The following MFSD11 variants were observed in gnomAD, a reference collection of about 807,000 sequenced individuals.
MFSD11 encodes major facilitator superfamily domain containing 11.
In MFSD11, 36 loss-of-function variants were observed where a neutral mutation model predicts 53.5. The ratio of observed to expected loss-of-function variants is 0.67; its 90% confidence interval spans 0.52 to 0.89. The LOEUF (loss-of-function observed/expected upper bound fraction) is 0.89. Ranked by LOEUF, MFSD11 falls within the 40% of genes least tolerant of loss-of-function variation. The pLI is 0.00. For missense variants in MFSD11, 530 were observed against 543.9 expected, an observed-to-expected ratio of 0.97 and a Z score of 0.25; for synonymous variants, 186 against 184.9, an observed-to-expected ratio of 1.01 and a Z score of -0.05.
chr17:76,796,229 C>A, the MFSD11 span, among the ~76,000 whole-genome samples: 1 of 152,156 alleles, frequency 6.6e-6, no homozygotes, highest in Non-Finnish European at 1.5e-5. Context: ...TATTCATCTT[C>A]AGGACCTGGC....
the MFSD11 span, among the ~76,000 whole-genome samples, chr17:76,794,698 TTTTTTTTG>T: frequency 8.5e-5 from 7 of 81,962 alleles, 1 homozygote; most frequent in African/African-American, 2.4e-4. Flanking sequence ...TTTTTTTTTT[TTTTTTTTG>T]TTTTGAGATG....
chr17:76,787,400 G>A, the MFSD11 span, among the ~76,000 whole-genome samples: 128 of 150,170 alleles, frequency 8.5e-4, 9 homozygotes, highest in East Asian at 3.9e-4. Context: ...GCCTCCCAAA[G>A]TGCTGGGATT....
At chr17:76,763,460 C>T (rs376772178) in intron 8 of MFSD11, among the ~76,000 whole-genome samples, 2 of 152,026 alleles carry the variant, frequency 1.3e-5, no homozygotes, top group East Asian at 1.9e-4. Flanking sequence ...GATGGGATTT[C>T]ACCATGTTGG....
At chr17:76,747,423 T>C (rs923354563) in intron 7 of MFSD11, among the ~76,000 whole-genome samples, 33 of 152,112 alleles carry the variant, frequency 2.2e-4, no homozygotes, top group African/African-American at 7.2e-4. Context: ...CAACCTCTGC[T>C]TCCCAGGTTC....
At position 76,738,358 on chromosome 17, in the gene MFSD11, C is replaced by A. The variant is rs1386694864; in HGVS notation, c.6C>A (p.Ser2=). 1.2e-6 allele frequency: 2 copies of A among 1,613,682 alleles called. No homozygotes were observed. Among genetic ancestry groups the A allele is most frequent in the Admixed American group, 1.7e-5 (1 of 59,996 alleles). Reference sequence around the variant, plus strand: ...TCCGGCAGAGCTGAGCCAAAATGTCCCCGGAATCTAAAAAGCTTTTCAACA... The same window carrying A: ...TCCGGCAGAGCTGAGCCAAAATGTCACCGGAATCTAAAAAGCTTTTCAACA... M[S]PESKKLFNII... is the part of the protein sequence containing the mutation. The change falls in exon 1 of 13, where the codon TCC becomes TCA. Residue 2 remains serine, a synonymous_variant. Coordinates refer to ENST00000685175, the MANE Select transcript of MFSD11 (RefSeq NM_001242532.5).
intron 8 of MFSD11, chr17:76,754,325 G>A (rs1022906931): frequency 2.1e-6 from 1 of 466,256 alleles, no homozygotes; most frequent in South Asian, 2.8e-5. Flanking sequence ...GTGGAAAGAG[G>A]CTGCATAGCA....
intron 7 of MFSD11, among the ~76,000 whole-genome samples, chr17:76,750,719 C>T (rs984430917): frequency 3.3e-5 from 5 of 151,330 alleles, no homozygotes; most frequent in African/African-American, 1.2e-4. Context: ...CTTAAGTTAA[C>T]AAGATCTTCT....
intron 12 of MFSD11, among the ~76,000 whole-genome samples, chr17:76,777,844 CATTTT>C (rs2081983718): frequency 6.6e-6 from 1 of 152,014 alleles, no homozygotes; most frequent in African/African-American, 2.4e-5. Flanking sequence ...ATTTTTGTTT[CATTTT>C]ATTTTATTTT....
the MFSD11 span, among the ~76,000 whole-genome samples, chr17:76,795,640 CAG>C: frequency 6.6e-6 from 1 of 152,090 alleles, no homozygotes; most frequent in Non-Finnish European, 1.5e-5. Flanking sequence ...TGTTGACAAT[CAG>C]TGGAAGATGA....
Position 76,741,052 on chromosome 17 carries a change from G to A in MFSD11, c.248G>A (p.Gly83Asp), listed in dbSNP as rs374847669. ...VGPQLSMFAS[G>D]LFYSMYIAVF... is the part of the protein sequence containing the mutation. ...CCTCAACTCTCTATGTTTGCCAGTG[G>A]TTTATTTTACAGGTAAGTAGTGTAA... The change falls in exon 3 of 13, where the codon GGT becomes GAT. Residue 83 changes from glycine (G) to aspartate (D), a missense_variant. Gly to Asp is a moderately conservative substitution (Grantham distance 94). Coordinates refer to ENST00000685175, the MANE Select transcript of MFSD11 (RefSeq NM_001242532.5). 2.5e-6 allele frequency: 4 copies of A among 1,601,464 alleles called. No homozygotes were observed. In the African/African-American group the frequency reaches 4.0e-5, roughly 16 times the overall value.
chr17:76,756,891 T>TGATC (rs1158977296), intron 8 of MFSD11, among the ~76,000 whole-genome samples: 25 of 152,120 alleles, frequency 1.6e-4, no homozygotes, highest in African/African-American at 5.8e-4. Flanking sequence ...TACCCATTAT[T>TGATC]GATCACAGAG....
downstream of MFSD11, among the ~76,000 whole-genome samples, chr17:76,783,382 A>G (rs1221953862): frequency 6.6e-6 from 1 of 152,086 alleles, no homozygotes; most frequent in Non-Finnish European, 1.5e-5. Flanking sequence ...TTATTGAACC[A>G]CAGGTGTTTT....
At chr17:76,786,251 T>A (rs2082272960), downstream of MFSD11, among the ~76,000 whole-genome samples, 1 of 150,744 alleles carries the variant, frequency 6.6e-6, no homozygotes, top group South Asian at 2.1e-4. Flanking sequence ...TTCAAACGAT[T>A]CTCCTGCCTC....
intron 7 of MFSD11, among the ~76,000 whole-genome samples, chr17:76,745,886 G>A (rs2078498444): frequency 6.6e-6 from 1 of 152,056 alleles, no homozygotes; most frequent in African/African-American, 2.4e-5. Context: ...GGAGTGCAGT[G>A]GCATGATCTC....
intron 8 of MFSD11, among the ~76,000 whole-genome samples, chr17:76,760,120 T>G (rs1486613380): frequency 6.0e-5 from 9 of 150,192 alleles, no homozygotes. Context: ...ATACAAAAAT[T>G]AGCCAGGCGT....
the MFSD11 span, among the ~76,000 whole-genome samples, chr17:76,796,401 C>G: frequency 6.6e-6 from 1 of 152,164 alleles, no homozygotes; most frequent in African/African-American, 2.4e-5. Context: ...GGGGGAAGGA[C>G]TGTCATTTAC....
rs1266151977 is a variant in MFSD11 at position 76,741,975 on chromosome 17, C to T, written c.267C>T (p.Tyr89=). ...MFASGLFYSM[Y]IAVFIQPFPW... is the part of the protein sequence containing the mutation. The stretch of plus-strand genomic sequence containing the variant: ...TTGACCTGTTATATTTTAGCATGTA[C>T]ATTGCCGTTTTCATCCAGCCTTTCC... Residue 89 remains tyrosine (Y), a synonymous_variant, in exon 4 of 13, where the codon TAC becomes TAT. Transcript: ENST00000685175. 1.9e-6 allele frequency: 3 copies of T among 1,613,980 alleles called. No individual in the cohort carries two copies. Among genetic ancestry groups the T allele is most frequent in the East Asian group, 4.5e-5 (2 of 44,890 alleles).
chr17:76,752,862 G>C (rs2079182663), intron 7 of MFSD11: 1 of 152,134 alleles, frequency 6.6e-6, no homozygotes, highest in African/African-American at 2.4e-5. Context: ...TTTAAAACCT[G>C]AGATTTGATG....
chr17:76,775,604 A>G (rs2081757349), intron 11 of MFSD11, among the ~76,000 whole-genome samples: 1 of 152,228 alleles, frequency 6.6e-6, no homozygotes, highest in African/African-American at 2.4e-5. Flanking sequence ...TCTCAAGTTC[A>G]TTATAAACGC....
Sources: allele counts gnomAD v4.1 joint callset (sites outside exome capture counted in the v4.1 genomes callset), GRCh38; gene constraint gnomAD v4.1.1; transcripts MANE v1.5; gene names NCBI Gene and HGNC (gene_info 2026-07-23, HGNC 2026-07-21).